Variants in ERBB3 observed in about 807,000 individuals in gnomAD.
The protein encoded by ERBB3 is receptor tyrosine-protein kinase erbB-3.
ERBB3 carries 96 observed loss-of-function variants against 156.7 expected under a neutral mutation model. That is an observed-to-expected ratio of 0.61 (90% CI 0.52 to 0.73). ERBB3 has a LOEUF of 0.73. Among genes scored for constraint, ERBB3 ranks in the 30% least tolerant of loss-of-function variants. The probability of loss-of-function intolerance (pLI) is 0.00; values close to 1 mark genes in which losing one functional copy is unlikely to be tolerated. For missense variants in ERBB3, 1,406 were observed against 1,709.4 expected (o/e 0.82, Z 3.13); for synonymous variants, 567 against 632.0 (o/e 0.90, Z 1.54).
chr12:56,094,072 C>A, intron 13 of ERBB3, 27 bp from the exon 14 acceptor site: 2 of 1,595,216 alleles, frequency 1.3e-6, no homozygotes, highest in Non-Finnish European at 1.7e-6. Flanking sequence ...GGAAGTGACC[C>A]CCCCCTCCCT....
Position 56,100,292 on chromosome 12 carries a change from G to C in ERBB3, c.3201+47G>C, listed in dbSNP as rs770469285. ...CTGGGTTTTAGGATCAGATTGATAC[G>C]AGTAGTATGGAAGACATTAGAAACC... On this transcript the variant is annotated intron_variant, in intron 26 of 27. Coordinates refer to ENST00000267101, the MANE Select transcript of ERBB3 (RefSeq NM_001982.4). The C allele has an allele frequency of 1.3e-5, 19 of 1,407,558 alleles. No homozygotes were observed. In the Middle Eastern group the frequency reaches 5.3e-4, roughly 39 times the overall value. 87.2% of individuals were successfully genotyped at this position (1,407,558 alleles called of 1,614,324 possible). A position where few individuals can be genotyped will look rare whatever the true frequency, so the allele number is the denominator to read the frequency against.
chr12:56,096,940 A>C, intron 19 of ERBB3, 94 bp downstream of exon 19: 1 of 796,650 alleles, frequency 1.3e-6, no homozygotes, highest in Admixed American at 1.9e-5. Context: ...AGCAGCTACT[A>C]TGTTAGCCAG....
Position 56,080,328 on chromosome 12 carries a change from C to T in ERBB3, c.28C>T (p.Leu10=). The change falls in exon 1 of 28, where the codon CTG becomes TTG. Residue 10 remains leucine (L), a synonymous_variant. Transcript: ENST00000267101. The stretch of plus-strand genomic sequence containing the variant: ...GAGGGCGAACGACGCTCTGCAGGTG[C>T]TGGGCTTGCTTTTCAGCCTGGCCCG... MRANDALQV[L]GLLFSLARGS... 2 of 1,586,664 alleles carry T rather than the reference C, an allele frequency of 1.3e-6. No individual in the cohort carries two copies. Among genetic ancestry groups the T allele is most frequent in the South Asian group, 2.3e-5 (2 of 87,456 alleles).
In ERBB3 at chr12:56,088,030, C is replaced by T. The variant is rs2136794933; in HGVS notation, c.742C>T (p.His248Tyr). The T allele has an allele frequency of 6.2e-7, 1 of 1,614,170 alleles. No homozygotes were observed. Among genetic ancestry groups the T allele is most frequent in the Non-Finnish European group, 8.5e-7 (1 of 1,180,034 alleles). ...CCTCCTTTTTTCCCAGGCCTGCCGG[C>T]ACTTCAATGACAGTGGAGCCTGTGT... Reference protein sequence around the residue: ...PQDTDCFACRHFNDSGACVPR... With the variant: ...PQDTDCFACRYFNDSGACVPR... Residue 248 changes from histidine to tyrosine, a missense_variant, in exon 7 of 28, where the codon CAC (histidine) becomes TAC (tyrosine). This residue lies in a region of ERBB3 where 979 missense variants were observed against 1,219.6 expected (regional missense o/e 0.80). Transcript: ENST00000267101.
At chr12:56,094,261 A>G in intron 14 of ERBB3, 72 bp downstream of exon 14, 2 of 1,444,246 alleles carry the variant, frequency 1.4e-6, no homozygotes, top group South Asian at 1.1e-5. Flanking sequence ...GGGGAATGAT[A>G]TGGCTAAGGA....
Position 56,101,787 on chromosome 12 carries a change from C to A in ERBB3, c.3761C>A (p.Thr1254Lys), listed in dbSNP as rs55709407. Reference protein sequence around the residue: ...HPVPIMPTAGTTPDEDYEYMN... With the variant: ...HPVPIMPTAGKTPDEDYEYMN... ...GTACCCATCATGCCCACTGCAGGCACAACTCCAGATGAAGACTATGAATAT... is the reference window on the plus strand; with the variant it reads ...GTACCCATCATGCCCACTGCAGGCAAAACTCCAGATGAAGACTATGAATAT... Residue 1254 changes from threonine (T) to lysine (K), a missense_variant, in exon 28 of 28, where the codon ACA becomes AAA. Around this residue, in one of 3 missense-constraint regions of ERBB3, gnomAD observed 415 missense variants for 454.1 expected, o/e 0.91. Transcript: ENST00000267101. 12 of 1,613,596 alleles carry A rather than the reference C, an allele frequency of 7.4e-6. No homozygotes were observed. Among genetic ancestry groups the A allele is most frequent in the African/African-American group, 2.7e-5 (2 of 74,806 alleles).
At position 56,097,138 on chromosome 12, in the gene ERBB3, TTG is replaced by T; in HGVS notation, c.2369_2370del (p.Leu790SerfsTer36). The T allele has an allele frequency of 1.2e-6, 2 of 1,614,146 alleles. No individual in the cohort carries two copies. The highest frequency in any genetic ancestry group is 1.7e-6 in the Non-Finnish European group (2 of 1,180,000). ...ATCTCTGCAGCTTGTCACTCAATAT[TTG>T]CCTCTGGGTTCTCTGCTGGATCATG... ...GSSLQLVTQY[L>X]PLGSLLDHVR... On this transcript the variant is annotated frameshift_variant, in exon 20 of 28. Coordinates refer to ENST00000267101, the MANE Select transcript of ERBB3 (RefSeq NM_001982.4). LOFTEE classifies it high-confidence loss of function.
rs1296655511 is a variant in ERBB3, at chr12:56,101,634, G to A, written c.3608G>A (p.Arg1203Lys). ...EDEEYEYMNRRRRHSPPHPPR... is the reference protein window; with the variant it reads ...EDEEYEYMNRKRRHSPPHPPR... ...GAGGAGTATGAATACATGAACCGGA[G>A]GAGAAGGCACAGTCCACCTCATCCC... The change falls in exon 28 of 28, where the codon AGG becomes AAG. Residue 1203 changes from arginine to lysine, a missense_variant. Coordinates refer to ENST00000267101, the MANE Select transcript of ERBB3 (RefSeq NM_001982.4). 6.2e-7 allele frequency: 1 copy of A among 1,614,018 alleles called. No homozygotes were observed. Among genetic ancestry groups the A allele is most frequent in the Non-Finnish European group, 8.5e-7 (1 of 1,179,996 alleles).
At chr12:56,084,365 C>T (rs944007380) in intron 2 of ERBB3, among the ~76,000 whole-genome samples, 4 of 151,764 alleles carry the variant, frequency 2.6e-5, no homozygotes, top group African/African-American at 9.7e-5. Context: ...AATCCCAGCA[C>T]TTTGGGAGGC....
At chr12:56,090,346 A>G (rs1054498269) in intron 9 of ERBB3, among the ~76,000 whole-genome samples, 9 of 151,960 alleles carry the variant, frequency 5.9e-5, no homozygotes, top group Admixed American at 3.3e-4. Context: ...AACATACCAC[A>G]TATGGCCGGG....
Position 56,080,315 on chromosome 12 carries a change from C to T in ERBB3, c.15C>T (p.Asp5=), listed in dbSNP as rs1173842446. The change falls in exon 1 of 28, where the codon GAC becomes GAT. Residue 5 remains aspartate, a synonymous_variant. Transcript: ENST00000267101. The part of the protein sequence containing the change: MRAN[D]ALQVLGLLFS... ...TCTGCGGAGTCATGAGGGCGAACGACGCTCTGCAGGTGCTGGGCTTGCTTT... is the reference window on the plus strand; with the variant it reads ...TCTGCGGAGTCATGAGGGCGAACGATGCTCTGCAGGTGCTGGGCTTGCTTT... The T allele has an allele frequency of 1.3e-6, 2 of 1,576,048 alleles. No homozygotes were observed. The highest frequency in any genetic ancestry group is 2.3e-5 in the East Asian group (1 of 43,146).
chr12:56,095,349 T>C, intron 16 of ERBB3, 39 bp downstream of exon 16: 1 of 1,546,240 alleles, frequency 6.5e-7, no homozygotes, highest in Non-Finnish European at 8.9e-7. Context: ...TGGGGATATT[T>C]GGGAGTTGGG....
chr12:56,096,953 T>G, intron 19 of ERBB3, 92 bp from the exon 20 acceptor site: 9 of 1,094,420 alleles, frequency 8.2e-6, no homozygotes, highest in African/African-American at 1.6e-5. Context: ...TTAGCCAGAA[T>G]GTTGGGGGTG....
rs781661153 is a variant in ERBB3, at chr12:56,083,831, A to G, written c.163A>G (p.Arg55Gly). The change falls in exon 2 of 28, where the codon AGG becomes GGG. Residue 55 changes from arginine to glycine, a missense_variant. Arg to Gly is a moderately radical substitution (Grantham distance 125). Coordinates refer to ENST00000267101, the MANE Select transcript of ERBB3 (RefSeq NM_001982.4). The stretch of plus-strand genomic sequence containing the variant: ...CCAGACACTGTACAAGCTCTACGAG[A>G]GGTGTGAGGTGGTGATGGGGAACCT... ...QYQTLYKLYE[R>G]CEVVMGNLEI... 6.2e-7 allele frequency: 1 copy of G among 1,613,956 alleles called. No homozygotes were observed. Among genetic ancestry groups the G allele is most frequent in the East Asian group, 2.2e-5 (1 of 44,874 alleles).
chr12:56,089,977 T>C (rs1018586551), intron 9 of ERBB3, among the ~76,000 whole-genome samples: 9 of 150,854 alleles, frequency 6.0e-5, no homozygotes, highest in South Asian at 2.1e-4. Context: ...AAGAATGGTA[T>C]AAAATTCCCC....
intron 17 of ERBB3, chr12:56,096,254 C>T (rs1346328284): frequency 1.7e-6 from 1 of 575,318 alleles, no homozygotes; most frequent in Admixed American, 3.0e-5. Context: ...CTGTCCCCTT[C>T]CCCACTTTGT....
Position 56,094,517 on chromosome 12 carries a change from A to G in ERBB3, c.1820A>G (p.Gln607Arg), listed in dbSNP as rs1565859706. The change falls in exon 15 of 28, where the codon CAG becomes CGG. Residue 607 changes from glutamine (Q) to arginine (R), a missense_variant. By Grantham distance (43) the Gln-to-Arg change is conservative. Around this residue, in one of 3 missense-constraint regions of ERBB3, gnomAD observed 979 missense variants for 1,219.6 expected, o/e 0.80. Coordinates refer to ENST00000267101, the MANE Select transcript of ERBB3 (RefSeq NM_001982.4). The part of the protein sequence containing the change: ...KGPIYKYPDV[Q>R]NECRPCHENC... ...CCAATCTACAAGTACCCAGATGTTC[A>G]GAATGAATGTCGGCCCTGCCATGAG... 1 of 1,614,196 alleles carries G rather than the reference A, an allele frequency of 6.2e-7. No homozygotes were observed. The highest frequency in any genetic ancestry group is 2.2e-5 in the East Asian group (1 of 44,882).
At chr12:56,091,975 C>G (rs1428347413) in intron 9 of ERBB3, among the ~76,000 whole-genome samples, 1 of 151,406 alleles carries the variant, frequency 6.6e-6, no homozygotes, top group Non-Finnish European at 1.5e-5. Flanking sequence ...CCTTTGGGAG[C>G]CAGTGGGAAA....
rs1338467917 is a variant in ERBB3, at chr12:56,094,452, T to C, written c.1755T>C (p.Cys585=). 6.2e-7 allele frequency: 1 copy of C among 1,613,982 alleles called. No homozygotes were observed. Among genetic ancestry groups the C allele is most frequent in the African/African-American group, 1.3e-5 (1 of 74,872 alleles). The change falls in exon 15 of 28, where the codon TGT becomes TGC. Residue 585 remains cysteine (C), a synonymous_variant. Coordinates refer to ENST00000267101, the MANE Select transcript of ERBB3 (RefSeq NM_001982.4). ...CCCATTTTCGAGATGGGCCCCACTGTGTGAGCAGCTGCCCCCATGGAGTCC... is the reference window on the plus strand; with the variant it reads ...CCCATTTTCGAGATGGGCCCCACTGCGTGAGCAGCTGCCCCCATGGAGTCC... ...QCAHFRDGPH[C]VSSCPHGVLG... is the part of the protein sequence containing the mutation.
Sources: gnomAD v4.1 joint callset for allele counts (sites outside exome capture counted in the v4.1 genomes callset) on GRCh38, gnomAD v4.1.1 for gene constraint, gnomAD v4.1.1 regional missense constraint, MANE v1.5 for transcripts, NCBI Gene and HGNC (gene_info 2026-07-23, HGNC 2026-07-21) for gene names.